The following KCNQ1 variants were observed in gnomAD, a reference collection of about 807,000 sequenced individuals.
KCNQ1 encodes potassium voltage-gated channel subfamily Q member 1.
A neutral mutation model predicts 72.4 loss-of-function variants in KCNQ1; 49 were observed. The ratio of observed to expected loss-of-function variants is 0.68; its 90% CI spans 0.54 to 0.86. The LOEUF (loss-of-function observed/expected upper bound fraction) is 0.86. KCNQ1 is among the 40% of genes least tolerant of loss of function. KCNQ1 has a pLI of 0.00. For missense variants in KCNQ1, 790 were observed against 945.1 expected, an observed-to-expected ratio of 0.84 and a Z score of 2.15; for synonymous variants, 450 against 412.6, an observed-to-expected ratio of 1.09 and a Z score of -1.10.
rs971534503 is a variant in KCNQ1, at chr11:2,493,179, A to G, written c.387-34749A>G. On this transcript the variant is annotated intron_variant, in intron 1 of 15. Transcript: ENST00000155840. The surrounding 1 kb of genome is among the most constrained non-coding windows in gnomAD (Gnocchi z 5.3). ...CTTCTTTTGAGAAGTATCTGTTCGT[A>G]TCCTTTACCCACTTTTTGATGGGGT... 1.3e-5 allele frequency among the ~76,000 whole-genome samples: 2 copies of G among 152,088 alleles called. No homozygotes were observed. The highest frequency in any genetic ancestry group is 1.5e-5 in the Non-Finnish European group (1 of 68,004).
intron 10 of KCNQ1, chr11:2,618,062 G>A (rs2106463): frequency 0.034 from 13,473 of 398,264 alleles, 688 homozygotes; most frequent in African/African-American, 0.13. Context: ...ATTTGTTTTT[G>A]TAGCCTGAGC....
chr11:2,492,346 T>C lies in KCNQ1; in HGVS notation c.387-35582T>C, dbSNP rs76157907. Reference sequence around the variant, plus strand: ...AAGCGGAGAGACAAAAGTTGAAGTGTAGAGATTTTTTGTTTTACTTTAAGT... The same window carrying C: ...AAGCGGAGAGACAAAAGTTGAAGTGCAGAGATTTTTTGTTTTACTTTAAGT... On this transcript the variant is annotated intron_variant, in intron 1 of 15. Coordinates refer to ENST00000155840, the MANE Select transcript of KCNQ1 (RefSeq NM_000218.3). This position sits in a 1 kb window ranked among gnomAD's most constrained non-coding sequence, Gnocchi z 4.1. Among the ~76,000 whole-genome samples, 410 of 152,094 alleles carry C rather than the reference T, an allele frequency of 2.7e-3. 3 individuals are homozygous for C. Among genetic ancestry groups the C allele is most frequent in the African/African-American group, 9.4e-3 (388 of 41,494 alleles).
rs1849658319 is a variant in KCNQ1 at position 2,645,893 on chromosome 11, G to A, written c.1394-16068G>A. ...TTCAGGGTGATCTCCCTCTCTGGGAGCTGTTCATTGCCATTTCACAGTCTG... is the reference window on the plus strand; with the variant it reads ...TTCAGGGTGATCTCCCTCTCTGGGAACTGTTCATTGCCATTTCACAGTCTG... On this transcript the variant is annotated intron_variant, in intron 10 of 15. Transcript: ENST00000155840. This position sits in a 1 kb window ranked among gnomAD's most constrained non-coding sequence, Gnocchi z 5.8. The A allele has an allele frequency of 2.5e-6, 1 of 398,510 alleles. No homozygotes were observed. Among genetic ancestry groups the A allele is most frequent in the Non-Finnish European group, 4.4e-6 (1 of 226,086 alleles). The allele number at this position is 398,510 out of a possible 1,614,324, so 24.7% of individuals were successfully genotyped here. A position where few individuals can be genotyped will look rare whatever the true frequency, so the allele number is the denominator to read the frequency against.
rs558216533 is a variant in KCNQ1 at position 2,720,152 on chromosome 11, G to A, written c.1515-48692G>A. 5.3e-5 allele frequency among the ~76,000 whole-genome samples: 8 copies of A among 152,226 alleles called. No individual in the cohort carries two copies. The highest frequency in any genetic ancestry group is 7.3e-5 in the Non-Finnish European group (5 of 68,038). ...ACCCACTGGAGGGTTGCAAGGAGAC[G>A]CTTCTAGTATGTTAGACAGCACAGT... On this transcript the variant is annotated intron_variant, in intron 11 of 15. Transcript: ENST00000155840. This position sits in a 1 kb window ranked among gnomAD's most constrained non-coding sequence, Gnocchi z 5.1.
At chr11:2,504,054 A>G (rs984712963) in intron 1 of KCNQ1, among the ~76,000 whole-genome samples, 4 of 152,246 alleles carry the variant, frequency 2.6e-5, no homozygotes, top group Admixed American at 6.5e-5. Flanking sequence ...ACTATTCACA[A>G]TAGCCAAGAT....
At chr11:2,581,951 A>T (rs1028710724) in intron 6 of KCNQ1, among the ~76,000 whole-genome samples, 2 of 152,176 alleles carry the variant, frequency 1.3e-5, no homozygotes, top group African/African-American at 4.8e-5. Flanking sequence ...TGTGGGAGGT[A>T]GCCTGCAAGC....
intron 15 of KCNQ1, chr11:2,840,348 G>T (rs10741726): frequency 0.39 from 59,164 of 152,078 alleles, 12,224 homozygotes; most frequent in Middle Eastern, 0.53. Context: ...CTCAAACTTG[G>T]GTTGTTCAGG....
chr11:2,625,631 A>C, intron 10 of KCNQ1: 2 of 391,440 alleles, frequency 5.1e-6, no homozygotes, highest in Non-Finnish European at 8.9e-6. Flanking sequence ...AGCTGAGTGC[A>C]GTGGTGCCAT....
Position 2,618,655 on chromosome 11 carries a change from T to C in KCNQ1, c.1393+29801T>C, listed in dbSNP as rs1301400195. 4 of 398,494 alleles carry C rather than the reference T, an allele frequency of 1.0e-5. No homozygotes were observed. The East Asian group carries it at 1.1e-4, about 11-fold the overall frequency. 24.7% of individuals were successfully genotyped at this position (398,494 alleles called of 1,614,324 possible). A position where few individuals can be genotyped will look rare whatever the true frequency, so the allele number is the denominator to read the frequency against. ...TCTCCCTTTGTTTTTCAGAACAGAA[T>C]TTTCAGAATTTCGTTGGCTACTTAA... On this transcript the variant is annotated intron_variant, in intron 10 of 15. Transcript: ENST00000155840.
intron 11 of KCNQ1, among the ~76,000 whole-genome samples, chr11:2,751,402 G>A (rs1302474862): frequency 6.6e-6 from 1 of 152,226 alleles, no homozygotes; most frequent in East Asian, 1.9e-4. Context: ...CTATGGGAAA[G>A]GGGAGGCAAG....
chr11:2,673,604 G>T lies in KCNQ1; in HGVS notation c.1514+11523G>T, dbSNP rs987560776. 7.5e-6 allele frequency: 3 copies of T among 398,642 alleles called. No homozygotes were observed. The highest frequency in any genetic ancestry group is 4.1e-5 in the African/African-American group (2 of 48,638). The allele number at this position is 398,642 out of a possible 1,614,324, so 24.7% of individuals were successfully genotyped here. On this transcript the variant is annotated intron_variant, in intron 11 of 15. Transcript: ENST00000155840. The surrounding 1 kb of genome is among the most constrained non-coding windows in gnomAD (Gnocchi z 4.5). ...TACTTGGGCTAAAGAGAAGCTAAACGTGACCAGCCTACCCACCTTGCTACT... is the reference window on the plus strand; with the variant it reads ...TACTTGGGCTAAAGAGAAGCTAAACTTGACCAGCCTACCCACCTTGCTACT...
intron 11 of KCNQ1, among the ~76,000 whole-genome samples, chr11:2,719,500 C>T (rs231886): frequency 6.9e-6 from 1 of 144,364 alleles, no homozygotes; most frequent in Non-Finnish European, 1.5e-5. Flanking sequence ...AACAAACAAA[C>T]AAAAAAAAAA....
At position 2,445,025 on chromosome 11, in the gene KCNQ1, C is replaced by A; in HGVS notation, c.-74C>A. 1 of 993,428 alleles carries A rather than the reference C, an allele frequency of 1.0e-6. No homozygotes were observed. The highest frequency in any genetic ancestry group is 1.2e-6 in the Non-Finnish European group (1 of 829,578). 61.5% of individuals were successfully genotyped at this position (993,428 alleles called of 1,614,324 possible). The stretch of plus-strand genomic sequence containing the variant: ...CTGGCAGCAGTGGCTGCCCGCACTG[C>A]GCCCGGGCGCTCGCCTTCGCTGCAG... On this transcript the variant is annotated 5_prime_UTR_variant, in exon 1 of 16. Transcript: ENST00000155840.
chr11:2,814,962 G>A (rs1847584887), intron 15 of KCNQ1, among the ~76,000 whole-genome samples: 1 of 152,198 alleles, frequency 6.6e-6, no homozygotes, highest in African/African-American at 2.4e-5. Flanking sequence ...TGTGCAGACG[G>A]CCCCAGCGCT....
At chr11:2,636,412 CA>C (rs1269480265) in intron 10 of KCNQ1, 2 of 152,054 alleles carry the variant, frequency 1.3e-5, no homozygotes, top group South Asian at 4.1e-4. Flanking sequence ...TGAATTTTGT[CA>C]AAGGCCTTTT....
intron 1 of KCNQ1, among the ~76,000 whole-genome samples, chr11:2,445,840 C>T (rs1846029275): frequency 6.6e-6 from 1 of 152,112 alleles, no homozygotes; most frequent in African/African-American, 2.4e-5. Flanking sequence ...AGTAAGATAA[C>T]TCCTCAAGGT....
chr11:2,775,267 A>G (rs992456297), intron 12 of KCNQ1, among the ~76,000 whole-genome samples: 1 of 152,194 alleles, frequency 6.6e-6, no homozygotes, highest in Admixed American at 6.5e-5. Flanking sequence ...TGTGGTTTCA[A>G]GATGTCACCT....
Position 2,478,009 on chromosome 11 carries a change from T to C in KCNQ1, c.386+32525T>C, listed in dbSNP as rs570852887. Among the ~76,000 whole-genome samples, 3 of 152,130 alleles carry C rather than the reference T, an allele frequency of 2.0e-5. No homozygotes were observed. The highest frequency in any genetic ancestry group is 7.2e-5 in the African/African-American group (3 of 41,510). ...TAGTTACAAAGGAAAAAGAATCACT[T>C]TCTAGAGGCAAAGCTGGCGACACCA... On this transcript the variant is annotated intron_variant, in intron 1 of 15. Coordinates refer to ENST00000155840, the MANE Select transcript of KCNQ1 (RefSeq NM_000218.3). The surrounding 1 kb of genome is among the most constrained non-coding windows in gnomAD (Gnocchi z 4.0).
rs1223487311 is a variant in KCNQ1 at position 2,781,474 on chromosome 11, A to G, written c.1794+3437A>G. Among the ~76,000 whole-genome samples the G allele has an allele frequency of 2.0e-5, 3 of 152,198 alleles. No individual in the cohort carries two copies. The highest frequency in any genetic ancestry group is 4.4e-5 in the Non-Finnish European group (3 of 68,030). On this transcript the variant is annotated intron_variant, in intron 15 of 15. Transcript: ENST00000155840. This position sits in a 1 kb window ranked among gnomAD's most constrained non-coding sequence, Gnocchi z 6.6. ...GGCCTTCAGTGTGGGCCAGGGACCA[A>G]TGCAGGCGGTCGGGAGAGGTCCGGA... is the stretch of plus-strand genomic sequence containing the variant.
Sources: allele counts gnomAD v4.1 joint callset (sites outside exome capture counted in the v4.1 genomes callset), GRCh38; gene constraint gnomAD v4.1.1; non-coding constraint Gnocchi (gnomAD v3.1); transcripts MANE v1.5; gene names NCBI Gene and HGNC (gene_info 2026-07-23, HGNC 2026-07-21).